Variants in SIL1 observed in about 807,000 individuals in gnomAD.
The protein encoded by SIL1 is SIL1 nucleotide exchange factor.
In SIL1, 40 loss-of-function variants were observed where a neutral mutation model predicts 49.1. The observed-to-expected ratio is 0.81, with a 90% CI of 0.63 to 1.06. SIL1 has a LOEUF of 1.06. SIL1 is among the 50% of genes least tolerant of loss of function. SIL1 has a pLI of 0.00. For missense variants in SIL1, 500 were observed against 572.6 expected, an observed-to-expected ratio of 0.87 and a Z score of 1.29; for synonymous variants, 253 against 250.8, an observed-to-expected ratio of 1.01 and a Z score of -0.08.
intron 3 of SIL1, among the ~76,000 whole-genome samples, chr5:139,104,484 A>G (rs1487704877): frequency 6.6e-6 from 1 of 152,164 alleles, no homozygotes; most frequent in African/African-American, 2.4e-5. Context: ...GACAAAGTTT[A>G]ACCAAAGTCT....
chr5:139,071,116 C>T (rs990559740), intron 3 of SIL1, among the ~76,000 whole-genome samples: 3 of 146,866 alleles, frequency 2.0e-5, no homozygotes, highest in African/African-American at 5.0e-5. Flanking sequence ...AGAAACATGC[C>T]GAACTGCATC....
chr5:139,033,913 G>A (rs1768846946), intron 5 of SIL1, among the ~76,000 whole-genome samples: 1 of 152,154 alleles, frequency 6.6e-6, no homozygotes, highest in Admixed American at 6.5e-5. Flanking sequence ...CTGAGAAAGG[G>A]ATGTTGAAAT....
At chr5:139,016,715 AAGTACTCTTGAAAAATTTCAGGGAT>A (rs554174426) in intron 7 of SIL1, among the ~76,000 whole-genome samples, 2,813 of 152,288 alleles carry the variant, frequency 0.018, 38 homozygotes, top group South Asian at 0.056. Context: ...AATGATGACA[AAGTACTCTTGAAAAATTTCAGGGAT>A]AGTACTCTTG....
chr5:139,170,546 C>G (rs1471909353), intron 1 of SIL1, among the ~76,000 whole-genome samples: 1 of 151,688 alleles, frequency 6.6e-6, no homozygotes, highest in African/African-American at 2.4e-5. Context: ...AGAAGCACCT[C>G]TGCCCGGCCG....
chr5:139,153,032 G>T (rs1202132341), intron 1 of SIL1, among the ~76,000 whole-genome samples: 1 of 152,184 alleles, frequency 6.6e-6, no homozygotes, highest in African/African-American at 2.4e-5. Flanking sequence ...TGGTCAGGCT[G>T]GTCTTGAACT....
intron 1 of SIL1, among the ~76,000 whole-genome samples, chr5:139,186,790 G>C (rs903109807): frequency 4.6e-5 from 7 of 152,188 alleles, no homozygotes; most frequent in Admixed American, 3.9e-4. Flanking sequence ...GCTGGGGATT[G>C]GATGCATGAA....
At chr5:139,132,283 GA>G (rs1225591884) in intron 1 of SIL1, among the ~76,000 whole-genome samples, 1 of 152,214 alleles carries the variant, frequency 6.6e-6, no homozygotes, top group Admixed American at 6.5e-5. Context: ...CCACTCCTTG[GA>G]GTGGGAAGAG....
At chr5:139,151,323 G>A (rs922554277) in intron 1 of SIL1, among the ~76,000 whole-genome samples, 27 of 152,120 alleles carry the variant, frequency 1.8e-4, no homozygotes, top group Admixed American at 7.2e-4. Context: ...AGCACCTACC[G>A]TGTACTAGTG....
intron 7 of SIL1, among the ~76,000 whole-genome samples, chr5:138,987,557 G>A (rs781711746): frequency 8.5e-5 from 13 of 152,130 alleles, no homozygotes; most frequent in Non-Finnish European, 1.6e-4. Flanking sequence ...TTTTCAGCTG[G>A]CCCTGAGGAG....
At chr5:139,134,075 G>A (rs114418760) in intron 1 of SIL1, among the ~76,000 whole-genome samples, 296 of 152,276 alleles carry the variant, frequency 1.9e-3, no homozygotes, top group African/African-American at 6.9e-3. Context: ...GAAGTACTGG[G>A]TACAGCACCT....
chr5:138,995,744 C>T (rs1469275760), intron 7 of SIL1, among the ~76,000 whole-genome samples: 1 of 152,086 alleles, frequency 6.6e-6, no homozygotes, highest in Non-Finnish European at 1.5e-5. Flanking sequence ...CTCTGGTTAC[C>T]ACCAATCTAC....
chr5:139,195,703 G>A (rs948283747), intron 1 of SIL1, among the ~76,000 whole-genome samples: 11 of 152,202 alleles, frequency 7.2e-5, no homozygotes, highest in Non-Finnish European at 1.0e-4. Context: ...CCACTGTTAT[G>A]TAGTGGTACA....
At chr5:139,038,867 G>A (rs1768976610) in intron 5 of SIL1, among the ~76,000 whole-genome samples, 1 of 152,204 alleles carries the variant, frequency 6.6e-6, no homozygotes, top group South Asian at 2.1e-4. Context: ...CTGCCTCCAA[G>A]TTGGGGGTGG....
chr5:139,014,092 A>G (rs1347377779), intron 7 of SIL1: 1 of 152,226 alleles, frequency 6.6e-6, no homozygotes, highest in African/African-American at 2.4e-5. Flanking sequence ...ACAGAGAAGT[A>G]GATGTATTAA....
At chr5:139,041,833 A>C (rs956397418) in intron 5 of SIL1, among the ~76,000 whole-genome samples, 1 of 150,638 alleles carries the variant, frequency 6.6e-6, no homozygotes, top group Non-Finnish European at 1.5e-5. Flanking sequence ...AAAAAAAAAA[A>C]CAAAAAAAAG....
At chr5:139,003,183 T>C (rs1359085849) in intron 7 of SIL1, among the ~76,000 whole-genome samples, 1 of 152,004 alleles carries the variant, frequency 6.6e-6, no homozygotes, top group Admixed American at 6.6e-5. Flanking sequence ...AGAGCTTCCA[T>C]TCTACAAGCA....
At chr5:139,174,660 AGGGT>A (rs1246034688) in intron 1 of SIL1, among the ~76,000 whole-genome samples, 1 of 151,946 alleles carries the variant, frequency 6.6e-6, no homozygotes, top group East Asian at 1.9e-4. Context: ...AAAAGACTGC[AGGGT>A]GAAGTGGCTC....
chr5:139,114,645 G>A (rs1770946164), intron 3 of SIL1, among the ~76,000 whole-genome samples: 1 of 152,170 alleles, frequency 6.6e-6, no homozygotes, highest in Admixed American at 6.5e-5. Context: ...AACAAATGAA[G>A]TTCTAAGGAA....
intron 5 of SIL1, among the ~76,000 whole-genome samples, chr5:139,037,389 A>G (rs1300130835): frequency 6.6e-6 from 1 of 152,140 alleles, no homozygotes; most frequent in African/African-American, 2.4e-5. Flanking sequence ...GCCTTTCACC[A>G]CATTTGGGAA....
Sources: gnomAD v4.1 joint callset for allele counts (sites outside exome capture counted in the v4.1 genomes callset) on GRCh38, gnomAD v4.1.1 for gene constraint, MANE v1.5 for transcripts, NCBI Gene and HGNC (gene_info 2026-07-23, HGNC 2026-07-21) for gene names.